The following NOX3 variants were observed in gnomAD, a reference collection of about 807,000 sequenced individuals.
The protein encoded by NOX3 is NADPH oxidase catalytic subunit-like 3.
In NOX3, 74 loss-of-function variants were observed where a neutral mutation model predicts 76.7. That is an observed-to-expected ratio of 0.96 (90% CI 0.80 to 1.17). The LOEUF is 1.17. Ranked by LOEUF, NOX3 falls within the 50% of genes most tolerant of loss-of-function variation. The pLI is 0.00. For synonymous variants in NOX3, 263 were observed against 261.1 expected (o/e 1.01, Z -0.07); for missense variants, 695 against 703.3 (o/e 0.99, Z 0.13).
chr6:155,438,339 A>G (rs1238526873), intron 6 of NOX3, among the ~76,000 whole-genome samples: 1 of 152,212 alleles, frequency 6.6e-6, no homozygotes, highest in Admixed American at 6.5e-5. Context: ...AGAAGAGCCA[A>G]TCCCAGAGAC....
chr6:155,409,860 G>C (rs1175084990), intron 11 of NOX3, among the ~76,000 whole-genome samples: 2 of 152,118 alleles, frequency 1.3e-5, no homozygotes, highest in South Asian at 4.2e-4. Flanking sequence ...TAGTAGAGAC[G>C]GGAGGGGGCA....
chr6:155,409,458 T>TA (rs754986727), intron 11 of NOX3, among the ~76,000 whole-genome samples: 3 of 152,170 alleles, frequency 2.0e-5, no homozygotes, highest in Non-Finnish European at 2.9e-5. Context: ...CTTCCCTACT[T>TA]ACACTTGTGG....
intron 11 of NOX3, among the ~76,000 whole-genome samples, chr6:155,410,752 AATT>A (rs1280965789): frequency 6.6e-6 from 1 of 152,232 alleles, no homozygotes; most frequent in Non-Finnish European, 1.5e-5. Flanking sequence ...TATTCATAAT[AATT>A]ATTTTCTATA....
intron 4 of NOX3, among the ~76,000 whole-genome samples, chr6:155,452,337 G>C (rs1249771131): frequency 6.6e-6 from 1 of 152,182 alleles, no homozygotes; most frequent in African/African-American, 2.4e-5. Context: ...CGCATACTCA[G>C]CACTACTGTG....
intron 9 of NOX3, among the ~76,000 whole-genome samples, chr6:155,426,007 A>G (rs1465696531): frequency 6.6e-6 from 1 of 152,238 alleles, no homozygotes; most frequent in Non-Finnish European, 1.5e-5. Flanking sequence ...TCTGGGATCC[A>G]AAGCAGTAAA....
At chr6:155,414,348 T>C (rs145279132) in intron 10 of NOX3, among the ~76,000 whole-genome samples, 1 of 152,266 alleles carries the variant, frequency 6.6e-6, no homozygotes, top group East Asian at 1.9e-4. Context: ...TCCCAAACAA[T>C]AGGCTACAAC....
chr6:155,432,325 G>A (rs1316997999), intron 7 of NOX3, among the ~76,000 whole-genome samples: 2 of 146,528 alleles, frequency 1.4e-5, no homozygotes, highest in Admixed American at 1.4e-4. Flanking sequence ...GCCAGGGCCA[G>A]AACTCAAGCC....
rs764157666 is a variant in NOX3 at position 155,428,911 on chromosome 6, G to C, written c.1028C>G (p.Ala343Gly). Residue 343 changes from alanine to glycine, a missense_variant, in exon 9 of 14, where the codon GCC (alanine) becomes GGC (glycine). Transcript: ENST00000159060. Reference sequence around the variant, plus strand: ...CACGCTGAAAAAGTCCTCCTGGGGGGCAGAGGTAAGGGTGAAGGGGTGCCA... The same window carrying C: ...CACGCTGAAAAAGTCCTCCTGGGGGCCAGAGGTAAGGGTGAAGGGGTGCCA... The part of the protein sequence containing the change: ...LEWHPFTLTS[A>G]PQEDFFSVHI... The C allele has an allele frequency of 1.2e-6, 2 of 1,613,876 alleles. No homozygotes were observed. Among genetic ancestry groups the C allele is most frequent in the South Asian group, 1.1e-5 (1 of 91,026 alleles).
intron 11 of NOX3, among the ~76,000 whole-genome samples, chr6:155,409,690 C>T (rs1374196168): frequency 1.3e-5 from 2 of 152,082 alleles, no homozygotes; most frequent in Non-Finnish European, 2.9e-5. Flanking sequence ...ACAGAATGCA[C>T]CAATTATTTT....
chr6:155,443,296 T>C lies in NOX3; in HGVS notation c.463A>G (p.Asn155Asp), dbSNP rs202092062. 15 of 1,614,096 alleles carry C rather than the reference T, an allele frequency of 9.3e-6. No homozygotes were observed. The East Asian group carries it at 3.1e-4, about 34-fold the overall frequency. The change falls in exon 5 of 14, where the codon AAC becomes GAC. Residue 155 changes from asparagine to aspartate, a missense_variant. By Grantham distance (23) the Asn-to-Asp change is conservative. Coordinates refer to ENST00000159060, the MANE Select transcript of NOX3 (RefSeq NM_015718.3). ...ACTGTGGGGAAGGTCCGGACAGGGT[T>C]GAGGTAGCTCTCGTTAGGGGTGTTG... ...LGNTPNESYL[N>D]PVRTFPTNTT...
chr6:155,413,980 G>T (rs1776590866), intron 10 of NOX3, among the ~76,000 whole-genome samples: 1 of 152,250 alleles, frequency 6.6e-6, no homozygotes, highest in Non-Finnish European at 1.5e-5. Flanking sequence ...TTTTCAAATA[G>T]AAATCCTTCC....
At chr6:155,424,924 T>G (rs1776738367) in intron 9 of NOX3, among the ~76,000 whole-genome samples, 1 of 152,210 alleles carries the variant, frequency 6.6e-6, no homozygotes, top group Non-Finnish European at 1.5e-5. Context: ...TGTAAATTAA[T>G]CCACAGAAAT....
At chr6:155,440,470 C>T in intron 5 of NOX3, among the ~76,000 whole-genome samples, 1 of 151,122 alleles carries the variant, frequency 6.6e-6, no homozygotes, top group Non-Finnish European at 1.5e-5. Flanking sequence ...AAAAAAAACC[C>T]ACATAAATAA....
intron 9 of NOX3, among the ~76,000 whole-genome samples, chr6:155,428,202 T>C (rs1460070934): frequency 6.6e-6 from 1 of 152,234 alleles, no homozygotes; most frequent in Admixed American, 6.5e-5. Context: ...CTTTTCTGAA[T>C]AGAGTGATGC....
rs1444946783 is a variant in NOX3, at chr6:155,407,160, T to C, written c.1550A>G (p.Glu517Gly). ...TFYGRPNWNNEFKQIAYNHPS... is the reference protein window; with the variant it reads ...TFYGRPNWNNGFKQIAYNHPS... ...GTGATTGTAGGCAATCTGCTTGAACTCATTGTTCCAGTTGGGCCTCCCATA... is the reference window on the plus strand; with the variant it reads ...GTGATTGTAGGCAATCTGCTTGAACCCATTGTTCCAGTTGGGCCTCCCATA... Residue 517 changes from glutamate to glycine, a missense_variant, in exon 12 of 14, where the codon GAG (glutamate) becomes GGG (glycine). Transcript: ENST00000159060. 6.2e-7 allele frequency: 1 copy of C among 1,614,146 alleles called. No homozygotes were observed. The highest frequency in any genetic ancestry group is 8.5e-7 in the Non-Finnish European group (1 of 1,180,012).
intron 1 of NOX3, among the ~76,000 whole-genome samples, 181 bp from the exon 2 acceptor site, chr6:155,455,310 T>C (rs1320122277): frequency 1.3e-5 from 2 of 152,250 alleles, no homozygotes; most frequent in African/African-American, 4.8e-5. Flanking sequence ...AATACATTAT[T>C]ACCTTTATTA....
chr6:155,413,884 A>T (rs1029253571), intron 10 of NOX3, among the ~76,000 whole-genome samples: 1 of 152,216 alleles, frequency 6.6e-6, no homozygotes, highest in Non-Finnish European at 1.5e-5. Flanking sequence ...CTTTATAAAA[A>T]AATCCTCCAA....
rs1582942351 is a variant in NOX3 at position 155,436,335 on chromosome 6, C to A, written c.798+83G>T. 2.0e-5 allele frequency: 30 copies of A among 1,506,494 alleles called. 1 individual carries two copies. The South Asian group carries it at 3.4e-4, about 17-fold the overall frequency. 93.3% of individuals were successfully genotyped at this position (1,506,494 alleles called of 1,614,324 possible). On this transcript the variant is annotated intron_variant, in intron 7 of 13. Transcript: ENST00000159060. ...TGGCTTTGTCTAGTGGTGAAATGTG[C>A]TTTCTTTTTTCCAAGCCTATAAAAA...
chr6:155,399,240 C>A (rs1031939389), intron 12 of NOX3, among the ~76,000 whole-genome samples: 2 of 148,990 alleles, frequency 1.3e-5, no homozygotes, highest in African/African-American at 5.0e-5. Context: ...AAAGAGATTG[C>A]CCACTGGCCC....
Sources: gnomAD v4.1 joint callset for allele counts (sites outside exome capture counted in the v4.1 genomes callset) on GRCh38, gnomAD v4.1.1 for gene constraint, MANE v1.5 for transcripts, NCBI Gene and HGNC (gene_info 2026-07-23, HGNC 2026-07-21) for gene names.